The following NRDC variants were observed in gnomAD, a reference collection of about 807,000 sequenced individuals.
NRDC encodes the protein nardilysin.
In NRDC, 54 loss-of-function variants were observed where a neutral mutation model predicts 147.1. That is an observed-to-expected ratio of 0.37 (90% confidence interval 0.29 to 0.46). The LOEUF is 0.46. Ranked by LOEUF, NRDC falls within the 20% of genes least tolerant of loss-of-function variation. The probability of loss-of-function intolerance (pLI) is 1.00; values close to 1 mark genes in which losing one functional copy is unlikely to be tolerated. For missense variants in NRDC, 1,082 were observed against 1,370.6 expected (o/e 0.79, Z 3.33); for synonymous variants, 440 against 482.1 (o/e 0.91, Z 1.14).
At chr1:51,831,936 A>ATT (rs1476433438) in intron 4 of NRDC, among the ~76,000 whole-genome samples, 1 of 152,210 alleles carries the variant, frequency 6.6e-6, no homozygotes, top group East Asian at 1.9e-4. Context: ...CAAAAAAAAA[A>ATT]TAAATAAATA....
rs773175329 is a variant in NRDC, at chr1:51,792,019, GCT to G, written c.2876+25_2876+26del. On this transcript the variant is annotated intron_variant, in intron 26 of 30. Transcript: ENST00000352171. ...AAGTAAGCCCTAGGCCCTTATTTGA[GCT>G]CAGTGGCCCTGCCAGCTGACTTACC... The G allele has an allele frequency of 5.0e-6, 8 of 1,613,402 alleles. No individual in the cohort carries two copies. In the Admixed American group the frequency reaches 1.0e-4, roughly 20 times the overall value.
intron 1 of NRDC, among the ~76,000 whole-genome samples, chr1:51,861,514 T>A (rs2487267): frequency 0.86 from 125,565 of 145,682 alleles, 53,190 homozygotes; most frequent in East Asian, 1. Context: ...TATTATTATT[T>A]TTTTTTATTT....
intron 2 of NRDC, among the ~76,000 whole-genome samples, chr1:51,837,221 G>A (rs575725191): frequency 1.1e-3 from 160 of 151,860 alleles, no homozygotes; most frequent in African/African-American, 3.6e-3. Context: ...CAATTTTACA[G>A]GGCTAACATA....
intron 29 of NRDC, 78 bp downstream of exon 29, chr1:51,790,455 G>T (rs933582557): frequency 4.6e-6 from 4 of 865,768 alleles, no homozygotes; most frequent in African/African-American, 3.3e-5. Flanking sequence ...CACAATGCTG[G>T]TGTGCACAGA....
At chr1:51,852,905 G>A (rs1682045081) in intron 1 of NRDC, among the ~76,000 whole-genome samples, 1 of 151,998 alleles carries the variant, frequency 6.6e-6, no homozygotes, top group Non-Finnish European at 1.5e-5. Flanking sequence ...ATCATAATCT[G>A]AGGGCCCCTT....
chr1:51,816,628 C>T (rs1234662140), intron 10 of NRDC, among the ~76,000 whole-genome samples: 2 of 152,168 alleles, frequency 1.3e-5, no homozygotes, highest in Admixed American at 1.3e-4. Flanking sequence ...TTTAAGGGCA[C>T]TACTTTTTCT....
Position 51,814,069 on chromosome 1 carries a change from T to C in NRDC, c.1640A>G (p.Lys547Arg). The C allele has an allele frequency of 6.2e-7, 1 of 1,604,284 alleles. No individual in the cohort carries two copies. The highest frequency in any genetic ancestry group is 8.5e-7 in the Non-Finnish European group (1 of 1,171,448). Reference protein sequence around the residue: ...PEKRIFEEIRKIEDNEFHYQE... With the variant: ...PEKRIFEEIRRIEDNEFHYQE... ...GTAATGAAATTCATTATCCTCAATT[T>C]TCCGAATCTCTTCAAAAATTCTGTG... Residue 547 changes from lysine to arginine, a missense_variant, in exon 14 of 31, where the codon AAA becomes AGA. Coordinates refer to ENST00000352171, the MANE Select transcript of NRDC (RefSeq NM_001101662.2).
rs1257410045 is a variant in NRDC, at chr1:51,878,268, C to T, written c.341+7G>A. ...TTCGCCTCCCCATTGCAAGCCTCCT[C>T]CCTCACCGGTATTGCTTGGGGTCGC... On this transcript the variant is annotated splice_region_variant and intron_variant, in intron 1 of 30. Coordinates refer to ENST00000352171, the MANE Select transcript of NRDC (RefSeq NM_001101662.2). 1.2e-6 allele frequency: 2 copies of T among 1,608,570 alleles called. No individual in the cohort carries two copies. Among genetic ancestry groups the T allele is most frequent in the African/African-American group, 1.3e-5 (1 of 74,944 alleles).
chr1:51,806,755 G>A (rs1267558986), intron 18 of NRDC, 39 bp downstream of exon 18: 1 of 1,584,792 alleles, frequency 6.3e-7, no homozygotes, highest in Admixed American at 1.7e-5. Flanking sequence ...AGAGAACACT[G>A]GAATTCAGCA....
intron 1 of NRDC, among the ~76,000 whole-genome samples, chr1:51,864,101 G>C (rs571953855): frequency 6.6e-6 from 1 of 152,042 alleles, no homozygotes; most frequent in Non-Finnish European, 1.5e-5. Flanking sequence ...AGATCATATG[G>C]GTACTCAAAG....
At chr1:51,794,725 T>C (rs564460037) in intron 23 of NRDC, 98 bp downstream of exon 23, 207 of 1,585,144 alleles carry the variant, frequency 1.3e-4, no homozygotes, top group Non-Finnish European at 1.7e-4. Flanking sequence ...ACAAGTAGTA[T>C]TTCAATTGGG....
chr1:51,872,476 G>A (rs1199781303), intron 1 of NRDC, among the ~76,000 whole-genome samples: 1 of 152,194 alleles, frequency 6.6e-6, no homozygotes, highest in East Asian at 1.9e-4. Flanking sequence ...GGAGGCCAAG[G>A]TGGGCTGATT....
intron 3 of NRDC, 33 bp downstream of exon 3, chr1:51,836,098 A>G: frequency 1.3e-6 from 2 of 1,566,882 alleles, no homozygotes; most frequent in East Asian, 2.2e-5. Flanking sequence ...GGGGAAAAAA[A>G]CACACCAGGA....
At chr1:51,823,848 A>G (rs1190564093) in intron 6 of NRDC, 62 bp from the exon 7 acceptor site, 5 of 1,181,000 alleles carry the variant, frequency 4.2e-6, no homozygotes, top group South Asian at 1.6e-5. Flanking sequence ...AGTCTTCTAC[A>G]TCATCAATGC....
intron 4 of NRDC, among the ~76,000 whole-genome samples, chr1:51,833,268 C>T (rs1023617626): frequency 1.6e-4 from 25 of 151,860 alleles, no homozygotes; most frequent in Non-Finnish European, 3.5e-4. Context: ...TGAAACCAGC[C>T]TGGGCAATAC....
intron 22 of NRDC, among the ~76,000 whole-genome samples, chr1:51,796,907 T>C (rs1678949503): frequency 6.8e-6 from 1 of 146,086 alleles, no homozygotes; most frequent in Non-Finnish European, 1.5e-5. Context: ...TTTTTAAAAG[T>C]GTGCAGTTCA....
At chr1:51,847,060 TA>T (rs550635233) in intron 1 of NRDC, among the ~76,000 whole-genome samples, 6 of 152,138 alleles carry the variant, frequency 3.9e-5, no homozygotes, top group Admixed American at 1.3e-4. Context: ...ATCCTTTAGC[TA>T]GACATAAAGG....
At chr1:51,831,986 A>AT (rs998971318) in intron 4 of NRDC, among the ~76,000 whole-genome samples, 4 of 151,922 alleles carry the variant, frequency 2.6e-5, no homozygotes, top group Non-Finnish European at 5.9e-5. Context: ...TGTCCAAAGG[A>AT]TTTTTCCAGA....
intron 2 of NRDC, among the ~76,000 whole-genome samples, chr1:51,839,585 C>T (rs1265153018): frequency 1.3e-5 from 2 of 152,130 alleles, no homozygotes; most frequent in African/African-American, 2.4e-5. Flanking sequence ...TTAAGAAATT[C>T]TCCCTATCAA....
Sources: allele counts gnomAD v4.1 joint callset (sites outside exome capture counted in the v4.1 genomes callset), GRCh38; gene constraint gnomAD v4.1.1; transcripts MANE v1.5; gene names NCBI Gene and HGNC (gene_info 2026-07-23, HGNC 2026-07-21).